MTR: variants seen among roughly 807,000 people sequenced by gnomAD.
MTR encodes 5-methyltetrahydrofolate-homocysteine methyltransferase.
MTR carries 84 observed loss-of-function variants against 154.8 expected under a neutral mutation model. The ratio of observed to expected loss-of-function variants is 0.54; its 90% CI spans 0.45 to 0.65. MTR has a LOEUF of 0.65. MTR is among the 30% of genes least tolerant of loss of function. The pLI is 0.00. For synonymous variants in MTR, 554 were observed against 553.9 expected (o/e 1.00, Z 0.00); for missense variants, 1,275 against 1,570.2 (o/e 0.81, Z 3.18).
At chr1:236,852,017 G>A (rs527388258) in intron 16 of MTR, among the ~76,000 whole-genome samples, 15 of 152,260 alleles carry the variant, frequency 9.9e-5, no homozygotes, top group African/African-American at 3.4e-4. Flanking sequence ...GCTCATAGTA[G>A]TAGATAATGA....
intron 24 of MTR, among the ~76,000 whole-genome samples, chr1:236,877,282 A>G (rs1665485247): frequency 6.6e-6 from 1 of 152,224 alleles, no homozygotes; most frequent in African/African-American, 2.4e-5. Context: ...GTTATACAGA[A>G]AAGTACACAA....
intron 24 of MTR, among the ~76,000 whole-genome samples, chr1:236,877,940 C>T (rs939546145): frequency 2.0e-5 from 3 of 152,300 alleles, no homozygotes; most frequent in Admixed American, 6.5e-5. Flanking sequence ...TTGCATTTCT[C>T]TGCTGAGTAA....
chr1:236,840,823 C>T (rs59672226), intron 15 of MTR, among the ~76,000 whole-genome samples: 53,705 of 151,960 alleles, frequency 0.35, 10,300 homozygotes, highest in East Asian at 0.43. Flanking sequence ...CAATGAATAT[C>T]CTAATTCATG....
Position 236,862,279 on chromosome 1 carries a change from T to C in MTR, c.2240T>C (p.Leu747Pro), listed in dbSNP as rs370203138. ...GTTATGAAGAAGGCTGTTGGCCACC[T>C]TATCCCTTTCATGGAAAAAGAAAGA... ...ARVMKKAVGH[L>P]IPFMEKEREE... is the part of the protein sequence containing the mutation. Residue 747 changes from leucine to proline, a missense_variant, in exon 21 of 33, where the codon CTT becomes CCT. Physicochemically the swap from Leu to Pro is moderately conservative, Grantham distance 98. Coordinates refer to ENST00000366577, the MANE Select transcript of MTR (RefSeq NM_000254.3). 6.2e-7 allele frequency: 1 copy of C among 1,613,876 alleles called. No homozygotes were observed. Among genetic ancestry groups the C allele is most frequent in the Non-Finnish European group, 8.5e-7 (1 of 1,179,884 alleles).
chr1:236,832,473 C>T (rs1206872533), intron 13 of MTR, among the ~76,000 whole-genome samples: 1 of 152,144 alleles, frequency 6.6e-6, no homozygotes, highest in Non-Finnish European at 1.5e-5. Context: ...CAAACGCTGA[C>T]TGTTGAGGGT....
intron 6 of MTR, among the ~76,000 whole-genome samples, chr1:236,813,733 C>G (rs997235551): frequency 6.6e-6 from 1 of 151,960 alleles, no homozygotes; most frequent in Non-Finnish European, 1.5e-5. Context: ...AAAATTGAGT[C>G]CTTTACTGAG....
intron 22 of MTR, among the ~76,000 whole-genome samples, chr1:236,869,203 C>T (rs368727210): frequency 4.6e-5 from 7 of 152,282 alleles, no homozygotes; most frequent in South Asian, 2.1e-4. Context: ...CTTCTGGAGA[C>T]GAAAAGGACT....
rs1662468049 is a variant in MTR, at chr1:236,829,188, G to C, written c.996-1G>C. The stretch of plus-strand genomic sequence containing the variant: ...ATACAATGTTTCCTCTTTCAACTCA[G>C]GGAAATTGCTGAAGCTGTGAAAAAT... On this transcript the variant is annotated splice_acceptor_variant, in intron 11 of 32. Coordinates refer to ENST00000366577, the MANE Select transcript of MTR (RefSeq NM_000254.3). LOFTEE classifies it high-confidence loss of function. The C allele has an allele frequency of 6.2e-7, 1 of 1,611,658 alleles. No individual in the cohort carries two copies. The highest frequency in any genetic ancestry group is 1.1e-5 in the South Asian group (1 of 91,014).
intron 10 of MTR, among the ~76,000 whole-genome samples, chr1:236,826,228 CATATT>C (rs1662279748): frequency 6.6e-6 from 1 of 152,194 alleles, no homozygotes; most frequent in Non-Finnish European, 1.5e-5. Context: ...TTATCCAACT[CATATT>C]CATTCAGCTC....
intron 15 of MTR, among the ~76,000 whole-genome samples, chr1:236,839,681 T>A (rs1663118295): frequency 6.6e-6 from 1 of 152,190 alleles, no homozygotes; most frequent in South Asian, 2.1e-4. Flanking sequence ...CACTAAAAAA[T>A]CTATTTCTTA....
chr1:236,800,478 G>C, intron 1 of MTR: 1 of 985,290 alleles, frequency 1.0e-6, no homozygotes. Context: ...GGGCATGTAG[G>C]TTAGAGTCTT....
chr1:236,850,822 GC>G (rs1287338073), intron 16 of MTR, among the ~76,000 whole-genome samples: 1 of 152,080 alleles, frequency 6.6e-6, no homozygotes, highest in Non-Finnish European at 1.5e-5. Flanking sequence ...ACAGAGTGAG[GC>G]CCTGCCTTGA....
chr1:236,852,462 T>C, intron 16 of MTR, 59 bp from the exon 17 acceptor site: 1 of 1,204,878 alleles, frequency 8.3e-7, no homozygotes, highest in Non-Finnish European at 1.2e-6. Flanking sequence ...GCTTAAGAGA[T>C]GTGATTGCTG....
At chr1:236,880,502 C>G (rs1193188553) in intron 24 of MTR, among the ~76,000 whole-genome samples, 1 of 152,144 alleles carries the variant, frequency 6.6e-6, no homozygotes, top group Non-Finnish European at 1.5e-5. Flanking sequence ...GGGCTCAGTC[C>G]CTTGTTAACG....
intron 22 of MTR, among the ~76,000 whole-genome samples, chr1:236,872,097 CA>C (rs1212751499): frequency 2.6e-5 from 4 of 152,080 alleles, no homozygotes. Flanking sequence ...CATCTTTTAA[CA>C]AATAGAAGAA....
intron 1 of MTR, 62 bp from the exon 2 acceptor site, chr1:236,803,363 GCTC>G (rs777761561): frequency 4.3e-5 from 63 of 1,457,202 alleles, no homozygotes; most frequent in Admixed American, 8.7e-5. Flanking sequence ...TTTCTCTAAA[GCTC>G]CTCCCTCACA....
rs187373321 is a variant in MTR at position 236,859,734 on chromosome 1, A to G, written c.1954-99A>G. 344 of 930,828 alleles carry G rather than the reference A, an allele frequency of 3.7e-4. 7 individuals carry two copies. The East Asian group carries it at 8.4e-3, about 23-fold the overall frequency. The allele number at this position is 930,828 out of a possible 1,614,324, so 57.7% of individuals were successfully genotyped here. ...CTAGGGGCTGGAAAAGTAAAAGAAG[A>G]ATAAGACACAGGTTTTTTTGTTTGT... On this transcript the variant is annotated intron_variant, in intron 18 of 32. Transcript: ENST00000366577.
rs144777709 is a variant in MTR at position 236,832,031 on chromosome 1, G to A, written c.1141G>A (p.Ala381Thr). ...TAACATTGGAGAGCGCTGTAATGTT[G>A]CAGGATCAAGGAAGTTTGCTAAACT... ...FVNIGERCNV[A>T]GSRKFAKLIM... The change falls in exon 13 of 33, where the codon GCA (alanine) becomes ACA (threonine). Residue 381 changes from alanine to threonine, a missense_variant. Coordinates refer to ENST00000366577, the MANE Select transcript of MTR (RefSeq NM_000254.3). The A allele has an allele frequency of 1.1e-4, 180 of 1,614,126 alleles. No homozygotes were observed. The African/African-American group carries it at 2.1e-3, about 19-fold the overall frequency.
chr1:236,888,276 A>C (rs1319827685), intron 27 of MTR, among the ~76,000 whole-genome samples: 2 of 152,182 alleles, frequency 1.3e-5, no homozygotes, highest in Non-Finnish European at 2.9e-5. Context: ...ACTCCAGCCT[A>C]ATCCTGCCAT....
Sources: gnomAD v4.1 joint callset for allele counts (sites outside exome capture counted in the v4.1 genomes callset) on GRCh38, gnomAD v4.1.1 for gene constraint, MANE v1.5 for transcripts, NCBI Gene and HGNC (gene_info 2026-07-23, HGNC 2026-07-21) for gene names.